Variants in UGT1A8 observed in about 807,000 individuals in gnomAD.
UGT1A8 encodes the protein UDP glucuronosyltransferase family 1 member A8.
UGT1A8 carries 39 observed loss-of-function variants against 45.3 expected under a neutral mutation model. The ratio of observed to expected loss-of-function variants is 0.86; its 90% CI spans 0.67 to 1.12. The LOEUF (loss-of-function observed/expected upper bound fraction) is 1.12, where lower values mean the gene tolerates loss of function less well. UGT1A8 is among the 50% of genes most tolerant of loss of function. The pLI, the probability that UGT1A8 is intolerant of heterozygous loss-of-function variation, is 0.00. For synonymous variants in UGT1A8, 275 were observed against 249.2 expected, an observed-to-expected ratio of 1.10 and a Z score of -0.97; for missense variants, 719 against 664.9, an observed-to-expected ratio of 1.08 and a Z score of -0.90.
At chr2:233,766,162 G>A (rs1699058269) in intron 1 of UGT1A8, among the ~76,000 whole-genome samples, 1 of 152,198 alleles carries the variant, frequency 6.6e-6, no homozygotes, top group Non-Finnish European at 1.5e-5. Context: ...TGGAGAATGA[G>A]TGCAAGGATT....
chr2:233,630,550 G>A (rs903399096), intron 1 of UGT1A8, among the ~76,000 whole-genome samples: 7 of 152,222 alleles, frequency 4.6e-5, no homozygotes, highest in African/African-American at 1.4e-4. Context: ...ATAAAGAAAA[G>A]AGGTTTAATT....
chr2:233,710,601 T>C (rs2076138881), intron 1 of UGT1A8, among the ~76,000 whole-genome samples: 2 of 152,296 alleles, frequency 1.3e-5, no homozygotes, highest in Admixed American at 1.3e-4. Flanking sequence ...CCTTTATTGG[T>C]TTGTTTGTCT....
chr2:233,711,528 C>G (rs192551703), intron 1 of UGT1A8, among the ~76,000 whole-genome samples: 1 of 152,340 alleles, frequency 6.6e-6, no homozygotes, highest in East Asian at 1.9e-4. Flanking sequence ...CCTCACAACT[C>G]CCCGGGAATC....
At chr2:233,690,220 G>A (rs939015605) in intron 1 of UGT1A8, among the ~76,000 whole-genome samples, 1 of 152,112 alleles carries the variant, frequency 6.6e-6, no homozygotes, top group Admixed American at 6.5e-5. Context: ...TGCCATTTTA[G>A]TATTCTAGAT....
chr2:233,760,224 G>A, intron 1 of UGT1A8: 1 of 1,586,310 alleles, frequency 6.3e-7, no homozygotes. Flanking sequence ...TGTATCGATT[G>A]GTTTTTGCCA....
At chr2:233,709,173 C>G (rs571228919) in intron 1 of UGT1A8, among the ~76,000 whole-genome samples, 2 of 152,222 alleles carry the variant, frequency 1.3e-5, no homozygotes, top group South Asian at 4.2e-4. Context: ...GTCACATGTT[C>G]TATCCTGAGC....
rs777511549 is a variant in UGT1A8 at position 233,672,654 on chromosome 2, G to A, written c.855+54092G>A. The stretch of plus-strand genomic sequence containing the variant: ...CTGAAATTCTCCAAACACCTGTTAC[G>A]GAGTATGATCTCTACAGCCACACAT... On this transcript the variant is annotated intron_variant, in intron 1 of 4. Coordinates refer to ENST00000373450, the MANE Select transcript of UGT1A8 (RefSeq NM_019076.5). 64 of 1,613,688 alleles carry A rather than the reference G, an allele frequency of 4.0e-5. No individual in the cohort carries two copies. In the Middle Eastern group the frequency reaches 4.9e-4, roughly 12 times the overall value.
At chr2:233,691,288 T>A in intron 1 of UGT1A8, 1 of 985,466 alleles carries the variant, frequency 1.0e-6, no homozygotes, top group East Asian at 1.1e-4. Flanking sequence ...TTGATCATTG[T>A]AAGCTGCCAA....
At chr2:233,656,923 CTT>C (rs961609429) in intron 1 of UGT1A8, among the ~76,000 whole-genome samples, 1 of 146,694 alleles carries the variant, frequency 6.8e-6, no homozygotes. Flanking sequence ...AGTTAAACAT[CTT>C]TTTTTTTTTT....
At chr2:233,691,495 G>A (rs1226751684) in intron 1 of UGT1A8, 1 of 985,646 alleles carries the variant, frequency 1.0e-6, no homozygotes, top group East Asian at 1.1e-4. Context: ...GGTGGGAACA[G>A]GAACTCGCGT....
chr2:233,705,733 G>A (rs931204159), intron 1 of UGT1A8, among the ~76,000 whole-genome samples: 1 of 152,162 alleles, frequency 6.6e-6, no homozygotes, highest in Admixed American at 6.5e-5. Flanking sequence ...AATACCCTGA[G>A]CAGGTAGGTC....
chr2:233,755,761 T>G (rs1381641183), intron 1 of UGT1A8: 4 of 152,946 alleles, frequency 2.6e-5, no homozygotes, highest in African/African-American at 9.6e-5. Context: ...CATTTGCTTT[T>G]GTTCATCTGG....
Position 233,747,651 on chromosome 2 carries a change from G to A in UGT1A8, c.856-19383G>A, listed in dbSNP as rs566750548. ...CAGGCACCTGAATGCTACTTCCTTC[G>A]ATGTGGTTTTAATAGACCCAATTTA... On this transcript the variant is annotated intron_variant, in intron 1 of 4. Coordinates refer to ENST00000373450, the MANE Select transcript of UGT1A8 (RefSeq NM_019076.5). The A allele has an allele frequency of 2.5e-5, 39 of 1,588,728 alleles. No individual in the cohort carries two copies. The African/African-American group carries it at 3.1e-4, about 13-fold the overall frequency.
chr2:233,648,666 G>T (rs957826105), intron 1 of UGT1A8: 11 of 297,892 alleles, frequency 3.7e-5, no homozygotes, highest in Admixed American at 1.5e-4. Flanking sequence ...GGGTTTCACC[G>T]TGTTAGCCAG....
chr2:233,766,944 A>T (rs1699286381), intron 1 of UGT1A8, 90 bp from the exon 2 acceptor site: 1 of 1,597,452 alleles, frequency 6.3e-7, no homozygotes, highest in Non-Finnish European at 8.5e-7. Context: ...TCATAGTCTT[A>T]AGAGGAAGAT....
chr2:233,686,445 C>T (rs1186697369), intron 1 of UGT1A8, among the ~76,000 whole-genome samples: 2 of 152,132 alleles, frequency 1.3e-5, no homozygotes, highest in Admixed American at 6.5e-5. Flanking sequence ...CATGGAGGCT[C>T]TCCCATGAAA....
chr2:233,696,261 A>G (rs1454905171), intron 1 of UGT1A8, among the ~76,000 whole-genome samples: 1 of 152,248 alleles, frequency 6.6e-6, no homozygotes, highest in Non-Finnish European at 1.5e-5. Flanking sequence ...ACATCAGTGA[A>G]TGAATGGATA....
At chr2:233,635,149 T>C (rs1272147717) in intron 1 of UGT1A8, among the ~76,000 whole-genome samples, 5 of 150,934 alleles carry the variant, frequency 3.3e-5, no homozygotes, top group Admixed American at 2.0e-4. Context: ...TTCTGGTTTG[T>C]TGGGTCTCTA....
At chr2:233,678,286 C>T (rs1462212893) in intron 1 of UGT1A8, among the ~76,000 whole-genome samples, 2 of 152,168 alleles carry the variant, frequency 1.3e-5, no homozygotes, top group African/African-American at 4.8e-5. Context: ...GTAACCTGCA[C>T]ATGTACTCCT....
Sources: gnomAD v4.1 joint callset for allele counts (sites outside exome capture counted in the v4.1 genomes callset) on GRCh38, gnomAD v4.1.1 for gene constraint, MANE v1.5 for transcripts, NCBI Gene and HGNC (gene_info 2026-07-23, HGNC 2026-07-21) for gene names.